Variants in KCNQ5 observed in about 807,000 individuals in gnomAD.
KCNQ5 encodes potassium voltage-gated channel subfamily KQT member 5.
Under a neutral mutation model 98.2 loss-of-function variants are expected in KCNQ5, and 30 were observed. That is an observed-to-expected ratio of 0.31 (90% CI 0.23 to 0.41). The LOEUF (loss-of-function observed/expected upper bound fraction) is 0.41, where lower values mean the gene tolerates loss of function less well. Ranked by LOEUF, KCNQ5 falls within the 10% of genes least tolerant of loss-of-function variation. KCNQ5 has a pLI of 1.00. For synonymous variants in KCNQ5, 458 were observed against 449.4 expected (o/e 1.02, Z -0.24); for missense variants, 835 against 1,182.5 (o/e 0.71, Z 4.31).
chr6:72,766,185 C>T (rs1014153190), intron 1 of KCNQ5, among the ~76,000 whole-genome samples: 3 of 151,930 alleles, frequency 2.0e-5, no homozygotes, highest in African/African-American at 7.3e-5. Flanking sequence ...GGGACTCAGA[C>T]AGAGAGATAG....
intron 3 of KCNQ5, among the ~76,000 whole-genome samples, chr6:73,068,011 T>A (rs1022128035): frequency 6.6e-6 from 1 of 152,112 alleles, no homozygotes; most frequent in Non-Finnish European, 1.5e-5. Flanking sequence ...GAATACATAA[T>A]CTGGCCAGGT....
At chr6:72,652,446 C>T (rs1765925342) in intron 1 of KCNQ5, among the ~76,000 whole-genome samples, 1 of 151,532 alleles carries the variant, frequency 6.6e-6, no homozygotes, top group African/African-American at 2.4e-5. Context: ...CCCTCTTTAC[C>T]TTTTCTCCTC....
chr6:73,056,152 C>A (rs114887904), intron 3 of KCNQ5, among the ~76,000 whole-genome samples: 5,418 of 152,194 alleles, frequency 0.036, 163 homozygotes, highest in African/African-American at 0.081. Context: ...TTACTAAGGA[C>A]TTGTGAGGAG....
chr6:72,942,380 G>A (rs956881514), intron 1 of KCNQ5, among the ~76,000 whole-genome samples: 6 of 151,936 alleles, frequency 3.9e-5, no homozygotes, highest in South Asian at 2.1e-4. Flanking sequence ...AACATGCATC[G>A]AGAATTGTAT....
intron 10 of KCNQ5, among the ~76,000 whole-genome samples, chr6:73,159,375 T>A (rs1386759721): frequency 6.6e-6 from 1 of 152,102 alleles, no homozygotes; most frequent in Non-Finnish European, 1.5e-5. Context: ...AGAGAGAGGA[T>A]CAGAAAAAGT....
chr6:72,790,597 G>A (rs1773987386), intron 1 of KCNQ5, among the ~76,000 whole-genome samples: 1 of 152,168 alleles, frequency 6.6e-6, no homozygotes, highest in African/African-American at 2.4e-5. Flanking sequence ...CCTAGTGTTT[G>A]TTAGTGCAAC....
intron 1 of KCNQ5, among the ~76,000 whole-genome samples, chr6:72,945,879 T>G (rs1422057642): frequency 1.3e-5 from 2 of 152,166 alleles, no homozygotes; most frequent in Non-Finnish European, 2.9e-5. Context: ...GTACATATAT[T>G]GACCGCTCAC....
intron 1 of KCNQ5, among the ~76,000 whole-genome samples, chr6:72,693,744 G>A (rs1317049104): frequency 3.9e-5 from 6 of 152,066 alleles, no homozygotes; most frequent in Non-Finnish European, 1.5e-5. Context: ...ATAAGAAGAG[G>A]CATTAAAACT....
intron 1 of KCNQ5, among the ~76,000 whole-genome samples, chr6:72,900,369 A>G (rs1779440312): frequency 6.8e-6 from 1 of 148,132 alleles, no homozygotes; most frequent in South Asian, 2.1e-4. Flanking sequence ...AAGAAACTTT[A>G]TATATATAAA....
intron 1 of KCNQ5, among the ~76,000 whole-genome samples, chr6:72,888,151 C>G (rs1404046005): frequency 6.6e-6 from 1 of 152,008 alleles, no homozygotes; most frequent in Admixed American, 6.6e-5. Flanking sequence ...TAAAATTTGG[C>G]AGAACTACAA....
chr6:72,799,196 G>A (rs111269894), intron 1 of KCNQ5, among the ~76,000 whole-genome samples: 9 of 152,204 alleles, frequency 5.9e-5, no homozygotes, highest in African/African-American at 1.9e-4. Flanking sequence ...CCAGCAGACC[G>A]GAAACTCAGG....
At chr6:72,794,464 TTGTTGGCTAATTGTCATTTTTCAAG>T (rs1774221795) in intron 1 of KCNQ5, among the ~76,000 whole-genome samples, 1 of 152,188 alleles carries the variant, frequency 6.6e-6, no homozygotes, top group Non-Finnish European at 1.5e-5. Flanking sequence ...TAATACTTCT[TTGTTGGCTAATTGTCATTTTTCAAG>T]TGTTGGCTAA....
chr6:72,961,444 C>T (rs1047445133), intron 1 of KCNQ5, among the ~76,000 whole-genome samples: 3 of 151,664 alleles, frequency 2.0e-5, no homozygotes, highest in Admixed American at 2.0e-4. Flanking sequence ...GGTGAAACCC[C>T]GTCTCTACTA....
At chr6:72,780,462 C>T (rs565857740) in intron 1 of KCNQ5, among the ~76,000 whole-genome samples, 2 of 152,130 alleles carry the variant, frequency 1.3e-5, no homozygotes, top group Non-Finnish European at 2.9e-5. Context: ...AGGGAAGCCT[C>T]AGGGGGCTGG....
At chr6:72,725,975 C>G (rs1208434821) in intron 1 of KCNQ5, among the ~76,000 whole-genome samples, 2 of 152,016 alleles carry the variant, frequency 1.3e-5, no homozygotes, top group African/African-American at 4.8e-5. Context: ...GGATGCATCA[C>G]AGTCATAGCT....
chr6:73,050,265 A>T (rs1582258719), intron 3 of KCNQ5, among the ~76,000 whole-genome samples: 1 of 93,080 alleles, frequency 1.1e-5, no homozygotes, highest in African/African-American at 4.3e-5. Flanking sequence ...GAGGGAAGGA[A>T]GGAAGGAAGG....
chr6:73,014,347 G>T (rs1278454887), intron 2 of KCNQ5, among the ~76,000 whole-genome samples: 1 of 151,990 alleles, frequency 6.6e-6, no homozygotes, highest in African/African-American at 2.4e-5. Flanking sequence ...CTTATTGCAG[G>T]TTATCATTTC....
intron 1 of KCNQ5, among the ~76,000 whole-genome samples, chr6:72,971,204 T>C (rs1237981801): frequency 1.3e-5 from 2 of 152,206 alleles, no homozygotes; most frequent in East Asian, 3.9e-4. Flanking sequence ...CAGACACTTC[T>C]CAAAAGAAGA....
At chr6:72,785,798 C>T (rs1424863690) in intron 1 of KCNQ5, among the ~76,000 whole-genome samples, 3 of 152,168 alleles carry the variant, frequency 2.0e-5, no homozygotes, top group Non-Finnish European at 2.9e-5. Context: ...GCTAAATCAT[C>T]ACCGCTTGCT....
Sources: allele counts gnomAD v4.1 joint callset (sites outside exome capture counted in the v4.1 genomes callset), GRCh38; gene constraint gnomAD v4.1.1; transcripts MANE v1.5; gene names NCBI Gene and HGNC (gene_info 2026-07-23, HGNC 2026-07-21).